The following PTPRD variants were observed in gnomAD, a reference collection of about 807,000 sequenced individuals.
The protein encoded by PTPRD is protein tyrosine phosphatase receptor type D.
In PTPRD, 34 loss-of-function variants were observed where a neutral mutation model predicts 214.5. That is an observed-to-expected ratio of 0.16 (90% CI 0.12 to 0.21). The LOEUF (loss-of-function observed/expected upper bound fraction) is 0.21. Among genes scored for constraint, PTPRD ranks in the 10% least tolerant of loss-of-function variants. The pLI is 1.00. For missense variants in PTPRD, 2,545 were observed against 2,398.7 expected (o/e 1.06, Z -1.27); for synonymous variants, 1,128 against 845.7 (o/e 1.33, Z -5.79).
At chr9:9,580,389 T>C (rs2090365018) in intron 7 of PTPRD, among the ~76,000 whole-genome samples, 1 of 152,096 alleles carries the variant, frequency 6.6e-6, no homozygotes, top group Non-Finnish European at 1.5e-5. Flanking sequence ...TTTTTGTTAA[T>C]AGCCATTCTG....
intron 8 of PTPRD, among the ~76,000 whole-genome samples, chr9:9,446,439 C>A (rs1351477051): frequency 6.6e-6 from 1 of 152,184 alleles, no homozygotes; most frequent in Non-Finnish European, 1.5e-5. Context: ...AGTCTTGTAT[C>A]CAAACTGCTT....
intron 2 of PTPRD, among the ~76,000 whole-genome samples, chr9:10,472,279 A>G (rs1405770592): frequency 6.6e-6 from 1 of 152,130 alleles, no homozygotes; most frequent in African/African-American, 2.4e-5. Flanking sequence ...AGTATCTGAC[A>G]CTGCAAACTC....
At chr9:10,223,281 T>C (rs1425579097) in intron 3 of PTPRD, among the ~76,000 whole-genome samples, 2 of 151,942 alleles carry the variant, frequency 1.3e-5, no homozygotes, top group African/African-American at 4.8e-5. Flanking sequence ...TATTTTCCAT[T>C]GCCTTTGTCC....
chr9:10,355,947 G>A (rs574138282), intron 2 of PTPRD, among the ~76,000 whole-genome samples: 3 of 151,928 alleles, frequency 2.0e-5, no homozygotes, highest in Admixed American at 6.6e-5. Flanking sequence ...ATCTAAAGTC[G>A]TATTAGAGAG....
intron 10 of PTPRD, among the ~76,000 whole-genome samples, chr9:9,073,311 C>G (rs324483): frequency 0.75 from 113,318 of 152,084 alleles, 42,399 homozygotes; most frequent in Non-Finnish European, 0.77. Flanking sequence ...ATCTGGCTTT[C>G]AATAATATAT....
chr9:9,154,114 G>C (rs556408093), intron 10 of PTPRD, among the ~76,000 whole-genome samples: 5 of 152,114 alleles, frequency 3.3e-5, no homozygotes, highest in Non-Finnish European at 7.4e-5. Flanking sequence ...CATGAGAAAT[G>C]TATGATCCTG....
intron 12 of PTPRD, among the ~76,000 whole-genome samples, chr9:8,697,388 A>AT (rs1311243190): frequency 2.3e-5 from 2 of 86,846 alleles, no homozygotes; most frequent in Admixed American, 1.0e-4. Context: ...TTGATTTGGG[A>AT]TTTTTTATTA....
intron 5 of PTPRD, among the ~76,000 whole-genome samples, chr9:9,884,881 C>A (rs936804168): frequency 6.6e-6 from 1 of 152,096 alleles, no homozygotes; most frequent in African/African-American, 2.4e-5. Flanking sequence ...GAGGCCACCC[C>A]AGCCCAATGG....
chr9:9,440,741 ATCT>A (rs1359731287), intron 8 of PTPRD, among the ~76,000 whole-genome samples: 3 of 152,222 alleles, frequency 2.0e-5, no homozygotes, highest in African/African-American at 7.2e-5. Flanking sequence ...GTATCTACTT[ATCT>A]TCTTGTGTTA....
intron 8 of PTPRD, among the ~76,000 whole-genome samples, chr9:9,526,232 G>A (rs972868054): frequency 1.3e-5 from 2 of 152,124 alleles, no homozygotes; most frequent in African/African-American, 4.8e-5. Context: ...ATTAATGTAT[G>A]CAGCCTACTG....
intron 20 of PTPRD, 82 bp downstream of exon 20, chr9:8,521,195 T>C: frequency 6.8e-7 from 1 of 1,463,236 alleles, no homozygotes; most frequent in Non-Finnish European, 9.2e-7. Flanking sequence ...TATTTTAGAT[T>C]TTCAAGGATG....
At chr9:9,512,612 T>C (rs1156900635) in intron 8 of PTPRD, among the ~76,000 whole-genome samples, 3 of 151,824 alleles carry the variant, frequency 2.0e-5, no homozygotes, top group East Asian at 3.9e-4. Flanking sequence ...ATGTATACAA[T>C]GACAATAAAA....
chr9:10,184,120 G>C (rs903343178), intron 3 of PTPRD, among the ~76,000 whole-genome samples: 1 of 152,118 alleles, frequency 6.6e-6, no homozygotes, highest in Non-Finnish European at 1.5e-5. Flanking sequence ...TGATGCACTG[G>C]TTTCAATAAA....
intron 2 of PTPRD, among the ~76,000 whole-genome samples, chr9:10,565,149 A>AAT (rs113299468): frequency 7.2e-5 from 11 of 151,748 alleles, no homozygotes; most frequent in South Asian, 4.2e-4. Flanking sequence ...AATATACAGG[A>AAT]ATATATATAT....
At chr9:8,444,613 C>A (rs1179156715) in intron 34 of PTPRD, among the ~76,000 whole-genome samples, 1 of 151,900 alleles carries the variant, frequency 6.6e-6, no homozygotes, top group East Asian at 1.9e-4. Context: ...CCGTTTCCCA[C>A]CATATAATTA....
At chr9:8,506,347 C>G (rs377458400) in intron 22 of PTPRD, among the ~76,000 whole-genome samples, 8 of 151,912 alleles carry the variant, frequency 5.3e-5, no homozygotes, top group African/African-American at 1.9e-4. Flanking sequence ...CCTAATGTTC[C>G]CCATTGGATT....
At chr9:9,502,681 AC>A (rs1450321996) in intron 8 of PTPRD, among the ~76,000 whole-genome samples, 1 of 151,848 alleles carries the variant, frequency 6.6e-6, no homozygotes, top group African/African-American at 2.4e-5. Flanking sequence ...ACTGTAAACA[AC>A]CCAGATTTTC....
intron 8 of PTPRD, among the ~76,000 whole-genome samples, chr9:9,486,468 G>A (rs544162633): frequency 2.6e-5 from 4 of 151,912 alleles, no homozygotes; most frequent in Non-Finnish European, 5.9e-5. Context: ...TTCCCTTCTT[G>A]AAATATTTTC....
intron 9 of PTPRD, among the ~76,000 whole-genome samples, chr9:9,236,137 C>T (rs1046794195): frequency 1.3e-5 from 2 of 152,084 alleles, no homozygotes; most frequent in South Asian, 2.1e-4. Flanking sequence ...CCTGTAACCC[C>T]AGCTACCCAG....
Sources: allele counts gnomAD v4.1 joint callset (sites outside exome capture counted in the v4.1 genomes callset), GRCh38; gene constraint gnomAD v4.1.1; transcripts MANE v1.5; gene names NCBI Gene and HGNC (gene_info 2026-07-23, HGNC 2026-07-21).